The following RPN2 variants were observed in gnomAD, a reference collection of about 807,000 sequenced individuals.
The protein encoded by RPN2 is dolichyl-diphosphooligosaccharide--protein glycosyltransferase subunit 2.
RPN2 carries 29 observed loss-of-function variants against 71.4 expected under a neutral mutation model. The ratio of observed to expected loss-of-function variants is 0.41; its 90% CI spans 0.30 to 0.55. The LOEUF (loss-of-function observed/expected upper bound fraction) is 0.55. RPN2 is among the 20% of genes least tolerant of loss of function. The pLI, the probability that RPN2 is intolerant of heterozygous loss-of-function variation, is 0.35. For synonymous variants in RPN2, 308 were observed against 305.0 expected, an observed-to-expected ratio of 1.01 and a Z score of -0.10; for missense variants, 726 against 774.1, an observed-to-expected ratio of 0.94 and a Z score of 0.74.
intron 6 of RPN2, 118 bp downstream of exon 6, chr20:37,205,019 T>G (rs2067480902): frequency 7.1e-7 from 1 of 1,415,528 alleles, no homozygotes; most frequent in South Asian, 1.2e-5. Context: ...TGTCACTCAG[T>G]GTCCTGGGTT....
intron 8 of RPN2, among the ~76,000 whole-genome samples, chr20:37,211,423 G>C (rs1380882136): frequency 6.6e-6 from 1 of 150,944 alleles, no homozygotes; most frequent in East Asian, 2.0e-4. Context: ...CGGATCACTT[G>C]AGGTCAGGAG....
intron 7 of RPN2, among the ~76,000 whole-genome samples, chr20:37,208,374 C>T (rs1243763567): frequency 6.6e-6 from 1 of 151,604 alleles, no homozygotes; most frequent in Non-Finnish European, 1.5e-5. Flanking sequence ...AAATGCACTT[C>T]CCAATACCAA....
In RPN2 at chr20:37,210,065, C is replaced by G. The variant is rs766795746; in HGVS notation, c.886C>G (p.Leu296Val). The change falls in exon 8 of 17, where the codon CTG (leucine) becomes GTG (valine). Residue 296 changes from leucine to valine, a missense_variant. Leu to Val is a conservative substitution (Grantham distance 32). Transcript: ENST00000237530. Reference protein sequence around the residue: ...AILRLQVTNVLSQPLTQATVK... With the variant: ...AILRLQVTNVVSQPLTQATVK... ...TTTCCAGTTGCAAGTCACCAATGTT[C>G]TGTCTCAGCCTCTGACTCAGGCCAC... is the stretch of plus-strand genomic sequence containing the variant. The G allele has an allele frequency of 1.2e-6, 2 of 1,614,000 alleles. No individual in the cohort carries two copies. The highest frequency in any genetic ancestry group is 1.1e-5 in the South Asian group (1 of 91,082).
chr20:37,186,581 G>A (rs2067016082), intron 2 of RPN2, among the ~76,000 whole-genome samples: 1 of 152,168 alleles, frequency 6.6e-6, no homozygotes, highest in Admixed American at 6.5e-5. Context: ...TCAAAGTGTT[G>A]GGATTACAGG....
At chr20:37,191,195 G>A (rs113884687) in intron 2 of RPN2, among the ~76,000 whole-genome samples, 3,251 of 152,244 alleles carry the variant, frequency 0.021, 52 homozygotes, top group Middle Eastern at 0.034. Flanking sequence ...TGTGAGCATC[G>A]GCTGGGTGCG....
Position 37,207,411 on chromosome 20 carries a change from G to A in RPN2, c.829G>A (p.Gly277Ser), listed in dbSNP as rs568529874. 5.0e-6 allele frequency: 8 copies of A among 1,614,182 alleles called. No homozygotes were observed. The East Asian group carries it at 1.6e-4, about 31-fold the overall frequency. The change falls in exon 7 of 17, where the codon GGC becomes AGC. Residue 277 changes from glycine to serine, a missense_variant. Gly to Ser is a moderately conservative substitution (Grantham distance 56). Coordinates refer to ENST00000237530, the MANE Select transcript of RPN2 (RefSeq NM_002951.5). ...YHVPVVVVPEGSASDTHEQAI... is the reference protein window; with the variant it reads ...YHVPVVVVPESSASDTHEQAI... ...CGTGCCAGTTGTGGTTGTGCCTGAG[G>A]GCTCTGCTTCCGACACTCATGAACA... is the stretch of plus-strand genomic sequence containing the variant.
intron 9 of RPN2, among the ~76,000 whole-genome samples, chr20:37,217,684 G>C (rs983069688): frequency 6.6e-6 from 1 of 151,884 alleles, no homozygotes; most frequent in Admixed American, 6.6e-5. Flanking sequence ...CACATTGCAG[G>C]CCCTTCAGAA....
chr20:37,191,360 C>T (rs1453178043), intron 2 of RPN2, among the ~76,000 whole-genome samples: 2 of 152,004 alleles, frequency 1.3e-5, no homozygotes, highest in African/African-American at 4.8e-5. Context: ...CCTGTAATCC[C>T]AGCTACTCGG....
intron 2 of RPN2, 98 bp from the exon 3 acceptor site, chr20:37,198,299 C>A (rs1363486180): frequency 4.4e-6 from 7 of 1,601,440 alleles, no homozygotes; most frequent in Middle Eastern, 1.7e-4. Flanking sequence ...TTCCTTAAGC[C>A]ATCTATAATG....
chr20:37,204,021 C>A (rs1278321828), intron 5 of RPN2, 61 bp downstream of exon 5: 3 of 1,182,112 alleles, frequency 2.5e-6, no homozygotes, highest in African/African-American at 3.0e-5. Context: ...GCAGAAGAAT[C>A]TTGCAGATAG....
Position 37,213,865 on chromosome 20 carries a change from G to A in RPN2, c.1092G>A (p.Glu364=). The A allele has an allele frequency of 6.2e-7, 1 of 1,608,048 alleles. No homozygotes were observed. The highest frequency in any genetic ancestry group is 8.5e-7 in the Non-Finnish European group (1 of 1,174,378). Residue 364 remains glutamate, a splice_region_variant and synonymous_variant, in exon 9 of 17, where the codon GAG becomes GAA. Transcript: ENST00000237530. ...GDNRYIANTV[E]LRVKISTEVG... ...ACCGGTATATTGCAAATACCGTAGA[G>A]GTAGGTGTTTTTCTTTCCTTCCCAT...
chr20:37,239,030 G>T (rs2068480867), intron 16 of RPN2, among the ~76,000 whole-genome samples: 1 of 152,196 alleles, frequency 6.6e-6, no homozygotes, highest in Non-Finnish European at 1.5e-5. Context: ...AATGTGAAGT[G>T]AGATTCCACT....
chr20:37,190,151 C>G (rs1464876249), intron 2 of RPN2, among the ~76,000 whole-genome samples: 2 of 152,146 alleles, frequency 1.3e-5, no homozygotes, highest in African/African-American at 4.8e-5. Flanking sequence ...ATGAGGTGCT[C>G]CCACTTCATC....
intron 1 of RPN2, 106 bp downstream of exon 1, chr20:37,179,475 G>C: frequency 1.4e-6 from 2 of 1,407,002 alleles, no homozygotes; most frequent in Non-Finnish European, 1.9e-6. Context: ...TGCGGGACAG[G>C]GGCATGGGCA....
chr20:37,193,752 G>C (rs2067196243), intron 2 of RPN2, among the ~76,000 whole-genome samples: 1 of 152,198 alleles, frequency 6.6e-6, no homozygotes, highest in African/African-American at 2.4e-5. Flanking sequence ...GTCTGGGAAA[G>C]ATCACGAATT....
At chr20:37,182,365 A>G (rs1568956190) in intron 1 of RPN2, among the ~76,000 whole-genome samples, 2 of 151,912 alleles carry the variant, frequency 1.3e-5, no homozygotes, top group Non-Finnish European at 2.9e-5. Context: ...AAGTGCTGGG[A>G]TTACAGGCGT....
intron 9 of RPN2, among the ~76,000 whole-genome samples, chr20:37,215,697 C>T (rs2067789277): frequency 1.3e-5 from 2 of 152,048 alleles, no homozygotes; most frequent in South Asian, 4.2e-4. Context: ...TTCCATGAGT[C>T]TTTTGCTGTT....
chr20:37,214,701 C>T (rs918232757), intron 9 of RPN2, among the ~76,000 whole-genome samples: 2 of 152,136 alleles, frequency 1.3e-5, no homozygotes, highest in African/African-American at 4.8e-5. Flanking sequence ...GCAGTTCTAT[C>T]CCAAAAGTAA....
chr20:37,213,950 A>C, intron 9 of RPN2, 85 bp downstream of exon 9: 2 of 1,031,274 alleles, frequency 1.9e-6, no homozygotes, highest in Non-Finnish European at 1.5e-6. Context: ...TGTCTGGTGC[A>C]TTGACTTTTC....
Sources: allele counts gnomAD v4.1 joint callset (sites outside exome capture counted in the v4.1 genomes callset), GRCh38; gene constraint gnomAD v4.1.1; transcripts MANE v1.5; gene names NCBI Gene and HGNC (gene_info 2026-07-23, HGNC 2026-07-21).